Variants in C17orf75 observed in about 807,000 individuals in gnomAD.
C17orf75 encodes the protein chromosome 17 open reading frame 75.
C17orf75 carries 32 observed loss-of-function variants against 49.6 expected under a neutral mutation model. The observed-to-expected ratio is 0.65, with a 90% CI of 0.49 to 0.87. C17orf75 has a LOEUF of 0.87. Ranked by LOEUF, C17orf75 falls within the 40% of genes least tolerant of loss-of-function variation. C17orf75 has a pLI of 0.00. For missense variants in C17orf75, 428 were observed against 473.9 expected (o/e 0.90, Z 0.90); for synonymous variants, 158 against 159.5 (o/e 0.99, Z 0.07).
At chr17:32,341,360 G>A (rs2041379059) in intron 1 of C17orf75, 76 bp from the exon 2 acceptor site, 2 of 1,443,992 alleles carry the variant, frequency 1.4e-6, no homozygotes, top group Admixed American at 3.4e-5. Flanking sequence ...TGGCAAGCAG[G>A]GTAAGGCAAG....
At chr17:32,332,770 A>G (rs2041288465) in intron 9 of C17orf75, among the ~76,000 whole-genome samples, 1 of 152,052 alleles carries the variant, frequency 6.6e-6, no homozygotes, top group Admixed American at 6.5e-5. Flanking sequence ...TGTCTCTTAA[A>G]ACAAACAAAC....
At chr17:32,336,532 A>G (rs947123870) in intron 5 of C17orf75, among the ~76,000 whole-genome samples, 7 of 152,204 alleles carry the variant, frequency 4.6e-5, no homozygotes, top group African/African-American at 1.7e-4. Context: ...AAAGGTTTGA[A>G]TAAGTTGATA....
Position 32,342,031 on chromosome 17 carries a change from G to A in C17orf75, c.109C>T (p.His37Tyr), listed in dbSNP as rs1458427467. 6.5e-7 allele frequency: 1 copy of A among 1,546,298 alleles called. No individual in the cohort carries two copies. The highest frequency in any genetic ancestry group is 2.5e-5 in the East Asian group (1 of 40,132). The change falls in exon 1 of 10, where the codon CAC (histidine) becomes TAC (tyrosine). Residue 37 changes from histidine to tyrosine, a missense_variant. His to Tyr is a moderately conservative substitution (Grantham distance 83). Transcript: ENST00000577809. The stretch of plus-strand genomic sequence containing the variant: ...CCGCGATAGCTGTAAAGACAGTAGT[G>A]GCTGCTGGACGGCGGCTCGAGTCTC... ...ERRLEPPSSS[H>Y]YCLYSYRGSR...
chr17:32,345,690 C>T (rs1415717200), upstream of C17orf75, among the ~76,000 whole-genome samples: 3 of 152,030 alleles, frequency 2.0e-5, no homozygotes, highest in Non-Finnish European at 4.4e-5. Flanking sequence ...ATTAGGCGGG[C>T]GTGGTGGCGC....
chr17:32,342,042 G>A lies in C17orf75; in HGVS notation c.98C>T (p.Pro33Leu), dbSNP rs763147068. 5 of 1,551,562 alleles carry A rather than the reference G, an allele frequency of 3.2e-6. No individual in the cohort carries two copies. Among genetic ancestry groups the A allele is most frequent in the Non-Finnish European group, 4.3e-6 (5 of 1,149,680 alleles). Residue 33 changes from proline (P) to leucine (L), a missense_variant, in exon 1 of 10, where the codon CCG (proline) becomes CTG (leucine). Physicochemically the swap from Pro to Leu is moderately conservative, Grantham distance 98. Coordinates refer to ENST00000577809, the MANE Select transcript of C17orf75 (RefSeq NM_022344.4). ...GSAEERRLEP[P>L]SSSHYCLYSY... Reference sequence around the variant, plus strand: ...GTAAAGACAGTAGTGGCTGCTGGACGGCGGCTCGAGTCTCCGCTCCTCGGC... The same window carrying A: ...GTAAAGACAGTAGTGGCTGCTGGACAGCGGCTCGAGTCTCCGCTCCTCGGC...
upstream of C17orf75, among the ~76,000 whole-genome samples, chr17:32,347,117 T>A (rs1030581712): frequency 1.3e-5 from 2 of 150,636 alleles, no homozygotes; most frequent in Non-Finnish European, 3.0e-5. Context: ...CCCACCACAA[T>A]GCCCAGCTAA....
chr17:32,342,537 A>C (rs1266621443), upstream of C17orf75, among the ~76,000 whole-genome samples: 1 of 152,270 alleles, frequency 6.6e-6, no homozygotes, highest in African/African-American at 2.4e-5. Context: ...GAATTTTGTT[A>C]AAGTGAAAAT....
In C17orf75 at chr17:32,338,401, C is replaced by G. The variant is rs139702416; in HGVS notation, c.348-50G>C. On this transcript the variant is annotated intron_variant, in intron 3 of 9. Coordinates refer to ENST00000577809, the MANE Select transcript of C17orf75 (RefSeq NM_022344.4). ...TGCATTATTTTGGTTACTCATGCAT[C>G]TATAATTTTGTGGACTGCTCTGAAT... 472 of 1,553,652 alleles carry G rather than the reference C, an allele frequency of 3.0e-4. 3 individuals carry two copies. In the African/African-American group the frequency reaches 6.0e-3, roughly 20 times the overall value.
chr17:32,339,793 A>G lies in C17orf75; in HGVS notation c.347+20T>C. On this transcript the variant is annotated intron_variant, in intron 3 of 9. Coordinates refer to ENST00000577809, the MANE Select transcript of C17orf75 (RefSeq NM_022344.4). ...TAGTTCAGAAATAAAAACTCAGGAC[A>G]CAGCACATTTTGCACTTACTTTAGC... The G allele has an allele frequency of 6.2e-7, 1 of 1,613,074 alleles. No homozygotes were observed. The highest frequency in any genetic ancestry group is 8.5e-7 in the Non-Finnish European group (1 of 1,179,604).
chr17:32,332,498 T>C (rs1202368298), intron 9 of C17orf75, among the ~76,000 whole-genome samples: 4 of 152,100 alleles, frequency 2.6e-5, no homozygotes, highest in African/African-American at 9.7e-5. Flanking sequence ...GCATGGTGGC[T>C]CATGTCTGTA....
chr17:32,341,079 T>C (rs2041375424), intron 2 of C17orf75, 125 bp downstream of exon 2: 2 of 977,782 alleles, frequency 2.0e-6, no homozygotes, highest in East Asian at 2.4e-5. Context: ...TCCTAGGGGA[T>C]AGGAGGAATT....
intron 1 of C17orf75, 46 bp downstream of exon 1, chr17:32,341,954 G>A (rs1177029594): frequency 2.6e-5 from 34 of 1,310,008 alleles, no homozygotes; most frequent in Non-Finnish European, 3.3e-5. Context: ...CCGGGGGCGG[G>A]GCCGCAGGGG....
intron 2 of C17orf75, 127 bp from the exon 3 acceptor site, chr17:32,340,065 T>C (rs1263779520): frequency 5.5e-6 from 6 of 1,090,158 alleles, no homozygotes; most frequent in Non-Finnish European, 7.7e-6. Context: ...TTATGACCCC[T>C]ATTGGTGAGG....
upstream of C17orf75, chr17:32,344,109 G>A (rs76541217): frequency 0.37 from 202,287 of 551,902 alleles, 41,739 homozygotes; most frequent in Non-Finnish European, 0.43. Context: ...CCATTTAACC[G>A]CAAAATGGTC....
At position 32,331,740 on chromosome 17, in the gene C17orf75, T is replaced by C; in HGVS notation, c.*23A>G. On this transcript the variant is annotated 3_prime_UTR_variant, in exon 10 of 10. Transcript: ENST00000577809. ...AAGACTTAAATATACAACTTGATCA[T>C]ACAATTATCTCAAAACATATGATCA... The C allele has an allele frequency of 6.4e-7, 1 of 1,561,422 alleles. No individual in the cohort carries two copies. Among genetic ancestry groups the C allele is most frequent in the Non-Finnish European group, 8.8e-7 (1 of 1,132,554 alleles).
At position 32,334,970 on chromosome 17, in the gene C17orf75, C is replaced by T. The variant is rs187999774; in HGVS notation, c.670-131G>A. 3,911 of 732,266 alleles carry T rather than the reference C, an allele frequency of 5.3e-3. 19 individuals are homozygous for T. Among genetic ancestry groups the T allele is most frequent in the Middle Eastern group, 0.014 (36 of 2,518 alleles). The allele number at this position is 732,266 out of a possible 1,614,324, so 45.4% of individuals were successfully genotyped here. A position where few individuals can be genotyped will look rare whatever the true frequency, so the allele number is the denominator to read the frequency against. ...TTGATGGGCACTGGTCACAAGCTCT[C>T]CAGAGCCTTGTTCAGCCACTGCTCA... On this transcript the variant is annotated intron_variant, in intron 6 of 9. Coordinates refer to ENST00000577809, the MANE Select transcript of C17orf75 (RefSeq NM_022344.4).
upstream of C17orf75, chr17:32,343,715 C>T: frequency 1.7e-6 from 1 of 590,624 alleles, no homozygotes; most frequent in South Asian, 1.9e-5. Flanking sequence ...CTCTATCTCC[C>T]ATTCAGTAAC....
chr17:32,347,609 A>G (rs1481717950), intron 1 of C17orf75, among the ~76,000 whole-genome samples: 1 of 152,100 alleles, frequency 6.6e-6, no homozygotes, highest in African/African-American at 2.4e-5. Context: ...ATAGTCTGGA[A>G]ATTTGGAAAT....
At chr17:32,340,644 C>CA (rs762499682) in intron 2 of C17orf75, among the ~76,000 whole-genome samples, 203 of 122,406 alleles carry the variant, frequency 1.7e-3, no homozygotes, top group East Asian at 2.4e-3. Context: ...GACTCTGTCT[C>CA]AAAAAAAAAA....
Sources: gnomAD v4.1 joint callset for allele counts (sites outside exome capture counted in the v4.1 genomes callset) on GRCh38, gnomAD v4.1.1 for gene constraint, MANE v1.5 for transcripts, NCBI Gene and HGNC (gene_info 2026-07-23, HGNC 2026-07-21) for gene names.